The following SUZ12 variants were observed in gnomAD, a reference collection of about 807,000 sequenced individuals.
The protein encoded by SUZ12 is SUZ12 polycomb repressive complex 2 subunit.
In SUZ12, 17 loss-of-function variants were observed where a neutral mutation model predicts 87.3. The ratio of observed to expected loss-of-function variants is 0.19; its 90% CI spans 0.13 to 0.29. The LOEUF is 0.29. Ranked by LOEUF, SUZ12 falls within the 10% of genes least tolerant of loss-of-function variation. The pLI, the probability that SUZ12 is intolerant of heterozygous loss-of-function variation, is 1.00. For missense variants in SUZ12, 526 were observed against 912.2 expected (o/e 0.58, Z 5.45); for synonymous variants, 253 against 312.4 (o/e 0.81, Z 2.01).
intron 10 of SUZ12, among the ~76,000 whole-genome samples, chr17:31,991,542 C>CTTT (rs3084718): frequency 3.3e-5 from 5 of 151,726 alleles, no homozygotes; most frequent in African/African-American, 9.7e-5. Context: ...ATATAAATAC[C>CTTT]TTTTTTTCTT....
Position 31,998,688 on chromosome 17 carries a change from C to G in SUZ12, c.1905C>G (p.Ala635=). 1 of 1,584,796 alleles carries G rather than the reference C, an allele frequency of 6.3e-7. No homozygotes were observed. ...TTGCTGACAATCAAATGAATCATGC[C>G]TGTATGCTGTTTGTAGAAAATTATG... The part of the protein sequence containing the change: ...GFIADNQMNH[A]CMLFVENYGQ... Residue 635 remains alanine, a synonymous_variant, in exon 16 of 16, where the codon GCC becomes GCG. Transcript: ENST00000322652.
chr17:31,966,261 A>G (rs1202292179), intron 5 of SUZ12, 65 bp downstream of exon 5: 7 of 1,335,736 alleles, frequency 5.2e-6, no homozygotes, highest in Non-Finnish European at 6.2e-6. Flanking sequence ...ATGTAAAAAA[A>G]GTGGGGCTTC....
intron 8 of SUZ12, among the ~76,000 whole-genome samples, chr17:31,977,234 C>A (rs1019976918): frequency 6.6e-6 from 1 of 151,040 alleles, no homozygotes; most frequent in Non-Finnish European, 1.5e-5. Context: ...TATGATCATG[C>A]CACTGTACTC....
intron 12 of SUZ12, 25 bp from the exon 13 acceptor site, chr17:31,994,539 T>A (rs376822698): frequency 6.7e-5 from 103 of 1,532,570 alleles, no homozygotes; most frequent in East Asian, 2.8e-4. Context: ...CTTAATATAT[T>A]TTTTTTTTTA....
At chr17:31,996,907 TTTA>T (rs1265776742) in intron 15 of SUZ12, 30 bp downstream of exon 15, 1 of 1,255,064 alleles carries the variant, frequency 8.0e-7, no homozygotes, top group South Asian at 1.9e-5. Flanking sequence ...ATTTAAATAT[TTTA>T]TTATTCTTTA....
chr17:31,939,991 A>G (rs868119934), intron 1 of SUZ12, among the ~76,000 whole-genome samples: 2 of 152,212 alleles, frequency 1.3e-5, no homozygotes, highest in Non-Finnish European at 2.9e-5. Flanking sequence ...GAGTACAACT[A>G]CTTCTCTTGA....
Position 31,947,684 on chromosome 17 carries a change from A to T in SUZ12, c.454A>T (p.Ser152Cys). 6.2e-7 allele frequency: 1 copy of T among 1,607,670 alleles called. No individual in the cohort carries two copies. The highest frequency in any genetic ancestry group is 2.2e-5 in the East Asian group (1 of 44,666). The change falls in exon 4 of 16, where the codon AGC becomes TGC. Residue 152 changes from serine (S) to cysteine (C), a missense_variant and splice_region_variant. Ser to Cys is a moderately radical substitution (Grantham distance 112, BLOSUM62 -1). Coordinates refer to ENST00000322652, the MANE Select transcript of SUZ12 (RefSeq NM_015355.4). ...EKMKGEQESH[S>C]LSAHLQLTFT... ...AATGAAAGGAGAGCAAGAATCTCATAGGTAAGATAATCTATCAGTTTACAT... is the reference window on the plus strand; with the variant it reads ...AATGAAAGGAGAGCAAGAATCTCATTGGTAAGATAATCTATCAGTTTACAT...
chr17:31,993,705 G>A lies in SUZ12; in HGVS notation c.1294-160G>A, dbSNP rs550857456. ...TCCCAAAATGCTGGGATTAACAGGC[G>A]TGAGTGACCTCGCGTCACTGGGCAT... On this transcript the variant is annotated intron_variant, in intron 11 of 15. Transcript: ENST00000322652. 4.6e-5 allele frequency among the ~76,000 whole-genome samples: 7 copies of A among 152,288 alleles called. No homozygotes were observed. In the South Asian group the frequency reaches 1.2e-3, roughly 27 times the overall value.
chr17:31,976,483 C>G, intron 7 of SUZ12, 38 bp from the exon 8 acceptor site: 1 of 1,530,084 alleles, frequency 6.5e-7, no homozygotes, highest in Non-Finnish European at 9.0e-7. Context: ...CATTTTTGTT[C>G]TAATATTTGA....
At chr17:31,944,826 G>A (rs1474671558) in intron 3 of SUZ12, among the ~76,000 whole-genome samples, 5 of 152,044 alleles carry the variant, frequency 3.3e-5, no homozygotes, top group South Asian at 2.1e-4. Flanking sequence ...TTATTTGAGC[G>A]TATCAAGTGA....
intron 9 of SUZ12, among the ~76,000 whole-genome samples, chr17:31,986,030 G>A (rs1049749481): frequency 1.3e-5 from 2 of 151,302 alleles, no homozygotes; most frequent in Non-Finnish European, 2.9e-5. Flanking sequence ...GTGCAATGGC[G>A]CGGTCTCAGT....
chr17:31,950,325 C>T (rs1156466273), intron 4 of SUZ12, among the ~76,000 whole-genome samples: 2 of 152,148 alleles, frequency 1.3e-5, no homozygotes, highest in Non-Finnish European at 2.9e-5. Flanking sequence ...AGGAAGGACC[C>T]TAAACACCAG....
intron 8 of SUZ12, among the ~76,000 whole-genome samples, chr17:31,977,192 T>C (rs1390494286): frequency 1.8e-4 from 28 of 152,030 alleles, no homozygotes; most frequent in Non-Finnish European, 7.4e-5. Context: ...GGGAGGATTG[T>C]TTGAGCCCAG....
rs149286909 is a variant in SUZ12, at chr17:31,985,210, C to G, written c.1023+2106C>G. Among the ~76,000 whole-genome samples the G allele has an allele frequency of 2.3e-3, 331 of 146,618 alleles. 1 individual carries two copies. Among genetic ancestry groups the G allele is most frequent in the African/African-American group, 7.8e-3 (311 of 39,816 alleles). On this transcript the variant is annotated intron_variant, in intron 9 of 15. Transcript: ENST00000322652. ...TGATACAGTCTTACTATAGGGCAGA[C>G]TGGCAATATATATAAAGTTAAAATT...
chr17:31,993,801 T>C lies in SUZ12; in HGVS notation c.1294-64T>C, dbSNP rs990958572. ...TTTTAAACTATTTTTAGAAGTGATA[T>C]TTAAACAAAATATCTTGTTATGCGT... On this transcript the variant is annotated intron_variant, in intron 11 of 15. Transcript: ENST00000322652. The C allele has an allele frequency of 1.3e-5, 19 of 1,497,046 alleles. 2 individuals carry two copies. In the South Asian group the frequency reaches 2.4e-4, roughly 19 times the overall value. 92.7% of individuals were successfully genotyped at this position (1,497,046 alleles called of 1,614,324 possible).
chr17:31,944,863 T>TA (rs1201419772), intron 3 of SUZ12, among the ~76,000 whole-genome samples: 1 of 152,010 alleles, frequency 6.6e-6, no homozygotes, highest in Non-Finnish European at 1.5e-5. Flanking sequence ...AGGCGAGAGT[T>TA]ATAGGTCAGC....
At chr17:31,964,614 C>T (rs1907977872) in intron 4 of SUZ12, among the ~76,000 whole-genome samples, 2 of 152,076 alleles carry the variant, frequency 1.3e-5, no homozygotes, top group Admixed American at 1.3e-4. Context: ...ACCATATTGG[C>T]CAGGCTGGTC....
At chr17:31,979,844 C>T (rs1308250065) in intron 8 of SUZ12, among the ~76,000 whole-genome samples, 2 of 152,070 alleles carry the variant, frequency 1.3e-5, no homozygotes, top group Non-Finnish European at 2.9e-5. Flanking sequence ...ATAGTTTTAG[C>T]ATTGATTGAT....
At chr17:31,957,677 C>G (rs145535858) in intron 4 of SUZ12, among the ~76,000 whole-genome samples, 8,766 of 151,950 alleles carry the variant, frequency 0.058, 620 homozygotes, top group African/African-American at 0.15. Context: ...TCCCAAAGTG[C>G]TGGGATTGTA....
Sources: allele counts gnomAD v4.1 joint callset (sites outside exome capture counted in the v4.1 genomes callset), GRCh38; gene constraint gnomAD v4.1.1; transcripts MANE v1.5; gene names NCBI Gene and HGNC (gene_info 2026-07-23, HGNC 2026-07-21).